Variants in TFDP2 observed in about 807,000 individuals in gnomAD.
TFDP2 encodes transcription factor Dp-2 (E2F dimerization partner 2).
A neutral mutation model predicts 59.3 loss-of-function variants in TFDP2; 17 were observed. The ratio of observed to expected loss-of-function variants is 0.29; its 90% CI spans 0.20 to 0.43. TFDP2 has a LOEUF of 0.43. Among genes scored for constraint, TFDP2 ranks in the 20% least tolerant of loss-of-function variants. TFDP2 has a pLI of 1.00. For synonymous variants in TFDP2, 180 were observed against 194.7 expected, an observed-to-expected ratio of 0.92 and a Z score of 0.63; for missense variants, 391 against 528.8, an observed-to-expected ratio of 0.74 and a Z score of 2.56.
chr3:141,969,243 A>ATG (rs1472097469), intron 9 of TFDP2, among the ~76,000 whole-genome samples: 53 of 109,156 alleles, frequency 4.9e-4, no homozygotes, highest in South Asian at 2.5e-3. Flanking sequence ...ATATATATAT[A>ATG]TATAACATAT....
chr3:142,028,548 CAGCAGTGAGA>C, intron 3 of TFDP2: 1 of 985,128 alleles, frequency 1.0e-6, no homozygotes, highest in African/African-American at 1.7e-5. Flanking sequence ...AAAACTCACC[CAGCAGTGAGA>C]AACAAACTGA....
At position 142,105,939 on chromosome 3, in the gene TFDP2, C is replaced by A. The variant is rs182369812; in HGVS notation, c.-92-4098G>T. Among the ~76,000 whole-genome samples, 211 of 142,552 alleles carry A rather than the reference C, an allele frequency of 1.5e-3. 1 individual carries two copies. The highest frequency in any genetic ancestry group is 5.4e-3 in the African/African-American group (206 of 38,090). 93.5% of individuals were successfully genotyped at this position (142,552 alleles called of 152,430 possible). On this transcript the variant is annotated intron_variant, in intron 1 of 12. Transcript: ENST00000489671. ...GTAAAATTACTAAGACACTGCCTAG[C>A]ACAAGTTAAGCATTCAATGTTAGAG...
intron 1 of TFDP2, among the ~76,000 whole-genome samples, chr3:142,139,000 A>G (rs1403799356): frequency 6.6e-6 from 1 of 152,156 alleles, no homozygotes; most frequent in South Asian, 2.1e-4. Context: ...GTGGGAGTCT[A>G]AGTCTCTTTG....
rs1937130225 is a variant in TFDP2 at position 141,959,768 on chromosome 3, T to C, written c.957A>G (p.Gly319=). 6 of 1,614,156 alleles carry C rather than the reference T, an allele frequency of 3.7e-6. No homozygotes were observed. Among genetic ancestry groups the C allele is most frequent in the Non-Finnish European group, 5.1e-6 (6 of 1,180,022 alleles). ...HDDIEVLKRM[G]MSFGLESGKC... The stretch of plus-strand genomic sequence containing the variant: ...TGCCTGACTCCAGGCCAAACGACAT[T>C]CCCATCCGCTTTAGTACTTCTATGT... Residue 319 remains glycine, a synonymous_variant, in exon 11 of 13, where the codon GGA becomes GGG. Coordinates refer to ENST00000489671, the MANE Select transcript of TFDP2 (RefSeq NM_001178139.2).
At chr3:142,023,737 C>A (rs1248090941) in intron 3 of TFDP2, among the ~76,000 whole-genome samples, 1 of 152,138 alleles carries the variant, frequency 6.6e-6, no homozygotes, top group Admixed American at 6.6e-5. Flanking sequence ...TTGTGAAATG[C>A]AAGAAATCTT....
At chr3:141,990,829 G>A (rs780213251) in intron 6 of TFDP2, among the ~76,000 whole-genome samples, 5 of 152,104 alleles carry the variant, frequency 3.3e-5, no homozygotes, top group Admixed American at 6.6e-5. Context: ...AGGCTGAGGC[G>A]GGCAGATTGC....
At chr3:142,050,898 C>A (rs550471760) in intron 3 of TFDP2, among the ~76,000 whole-genome samples, 31 of 152,180 alleles carry the variant, frequency 2.0e-4, no homozygotes, top group African/African-American at 6.0e-4. Flanking sequence ...TATGTCAATT[C>A]TTCCCAAATT....
intron 3 of TFDP2, among the ~76,000 whole-genome samples, chr3:142,078,438 CAG>C (rs1216804450): frequency 3.9e-5 from 6 of 152,202 alleles, no homozygotes; most frequent in African/African-American, 1.4e-4. Flanking sequence ...TCAGCACAGA[CAG>C]AGACACTCTG....
At chr3:141,968,327 TA>T (rs1338651678) in intron 9 of TFDP2, among the ~76,000 whole-genome samples, 2 of 118,022 alleles carry the variant, frequency 1.7e-5, no homozygotes, top group Admixed American at 9.4e-5. Context: ...ATATAACATA[TA>T]ATATATATAA....
intron 3 of TFDP2, among the ~76,000 whole-genome samples, chr3:142,071,617 C>T (rs2060251466): frequency 6.6e-6 from 1 of 152,112 alleles, no homozygotes; most frequent in Admixed American, 6.5e-5. Context: ...TGCAGTAATC[C>T]AGGAAATGGT....
chr3:141,952,874 T>G (rs759099341), intron 12 of TFDP2, 37 bp downstream of exon 12: 1 of 1,588,092 alleles, frequency 6.3e-7, no homozygotes, highest in Non-Finnish European at 8.6e-7. Context: ...GTCAGGGCTC[T>G]GGGGTTTGCC....
At chr3:142,002,723 C>T (rs1393858572) in intron 4 of TFDP2, among the ~76,000 whole-genome samples, 1 of 152,136 alleles carries the variant, frequency 6.6e-6, no homozygotes, top group Admixed American at 6.5e-5. Flanking sequence ...CAGCCTCTGC[C>T]CATTATCCAG....
Position 142,093,056 on chromosome 3 carries a change from C to G in TFDP2, c.82+5G>C. Reference sequence around the variant, plus strand: ...TTCAGAAAAATTTTATTCAATAATCCTTACCTTTTGTTGGACTGAGATTCT... The same window carrying G: ...TTCAGAAAAATTTTATTCAATAATCGTTACCTTTTGTTGGACTGAGATTCT... On this transcript the variant is annotated splice_donor_5th_base_variant and intron_variant, in intron 3 of 12. Transcript: ENST00000489671. 6.5e-7 allele frequency: 1 copy of G among 1,528,046 alleles called. No individual in the cohort carries two copies. Among genetic ancestry groups the G allele is most frequent in the Non-Finnish European group, 8.7e-7 (1 of 1,143,486 alleles). 94.7% of individuals were successfully genotyped at this position (1,528,046 alleles called of 1,614,324 possible).
At chr3:142,002,228 C>T (rs1170870815) in intron 4 of TFDP2, among the ~76,000 whole-genome samples, 2 of 151,574 alleles carry the variant, frequency 1.3e-5, no homozygotes, top group African/African-American at 4.8e-5. Flanking sequence ...CTCCTGACCT[C>T]AAGTGATCTG....
chr3:142,135,828 A>C (rs922189356), intron 1 of TFDP2, among the ~76,000 whole-genome samples: 2 of 151,998 alleles, frequency 1.3e-5, no homozygotes, highest in Admixed American at 6.5e-5. Flanking sequence ...GGTTGGTTCC[A>C]AGTCTTTGCT....
At chr3:142,119,162 A>G (rs1282546668) in intron 1 of TFDP2, among the ~76,000 whole-genome samples, 1 of 150,298 alleles carries the variant, frequency 6.7e-6, no homozygotes, top group Non-Finnish European at 1.5e-5. Flanking sequence ...CACTGTTTCA[A>G]AAAAAAAAAG....
At chr3:142,113,310 G>A (rs1007746941) in intron 1 of TFDP2, among the ~76,000 whole-genome samples, 5 of 152,030 alleles carry the variant, frequency 3.3e-5, no homozygotes, top group Non-Finnish European at 5.9e-5. Flanking sequence ...CCAGAATGGA[G>A]TGCAGTGGCA....
chr3:142,129,444 G>A (rs1341117333), intron 1 of TFDP2, among the ~76,000 whole-genome samples: 1 of 151,776 alleles, frequency 6.6e-6, no homozygotes, highest in Non-Finnish European at 1.5e-5. Context: ...GCAATAAAAA[G>A]ACAGACATAC....
At position 142,103,889 on chromosome 3, in the gene TFDP2, T is replaced by TC. The variant is rs199939323; in HGVS notation, c.-92-2049_-92-2048insG. On this transcript the variant is annotated intron_variant, in intron 1 of 12. Transcript: ENST00000489671. ...AATTTTGTAGAAGAAAAGCAAGGTT[T>TC]TTTTTTTCTGTTTTTTTCATGTGCA... Among the ~76,000 whole-genome samples, 512 of 150,312 alleles carry TC rather than the reference T, an allele frequency of 3.4e-3. 2 individuals carry two copies. The highest frequency in any genetic ancestry group is 0.012 in the African/African-American group (482 of 41,348).
Sources: gnomAD v4.1 joint callset for allele counts (sites outside exome capture counted in the v4.1 genomes callset) on GRCh38, gnomAD v4.1.1 for gene constraint, MANE v1.5 for transcripts, NCBI Gene and HGNC (gene_info 2026-07-23, HGNC 2026-07-21) for gene names.